The following ANO3 variants were observed in gnomAD, a reference collection of about 807,000 sequenced individuals.
ANO3 encodes the protein anoctamin-3.
A neutral mutation model predicts 144.8 loss-of-function variants in ANO3; 99 were observed. The observed-to-expected ratio is 0.68, with a 90% confidence interval of 0.58 to 0.81. The LOEUF is 0.81. Ranked by LOEUF, ANO3 falls within the 30% of genes least tolerant of loss-of-function variation. The probability of loss-of-function intolerance (pLI) is 0.00; values close to 1 mark genes in which losing one functional copy is unlikely to be tolerated. For synonymous variants in ANO3, 414 were observed against 392.6 expected, an observed-to-expected ratio of 1.05 and a Z score of -0.64; for missense variants, 905 against 1,202.2, an observed-to-expected ratio of 0.75 and a Z score of 3.66.
At chr11:26,518,728 A>T (rs1441075226) in intron 6 of ANO3, among the ~76,000 whole-genome samples, 1 of 151,966 alleles carries the variant, frequency 6.6e-6, no homozygotes, top group East Asian at 1.9e-4. Context: ...GGGTACAAAG[A>T]TTTCTTAGTG....
At chr11:26,382,918 C>T (rs1336092813) in intron 1 of ANO3, among the ~76,000 whole-genome samples, 3 of 152,214 alleles carry the variant, frequency 2.0e-5, no homozygotes, top group African/African-American at 7.2e-5. Context: ...CCTTATAGGG[C>T]AATTACAATT....
chr11:26,479,783 T>C (rs1346884185), intron 4 of ANO3, among the ~76,000 whole-genome samples: 1 of 152,130 alleles, frequency 6.6e-6, no homozygotes, highest in Non-Finnish European at 1.5e-5. Context: ...AAATCTACAT[T>C]TTTGAAAGGG....
At chr11:26,247,925 G>A (rs1235273797) in intron 1 of ANO3, among the ~76,000 whole-genome samples, 2 of 151,416 alleles carry the variant, frequency 1.3e-5, no homozygotes, top group Non-Finnish European at 2.9e-5. Context: ...AGAGACGGGG[G>A]TTTCACCATG....
At chr11:26,280,195 T>A (rs1853647069) in intron 1 of ANO3, among the ~76,000 whole-genome samples, 1 of 152,142 alleles carries the variant, frequency 6.6e-6, no homozygotes. Context: ...ACTACTTAAT[T>A]CAAGATAAAG....
intron 11 of ANO3, among the ~76,000 whole-genome samples, chr11:26,544,048 T>C (rs1452227941): frequency 6.6e-6 from 1 of 151,396 alleles, no homozygotes; most frequent in Non-Finnish European, 1.5e-5. Flanking sequence ...TTAGATATTA[T>C]GAACATAGTG....
chr11:26,190,710 AT>A (rs1160029985), intron 1 of ANO3, among the ~76,000 whole-genome samples: 21 of 152,134 alleles, frequency 1.4e-4, no homozygotes. Flanking sequence ...TAGCACATCC[AT>A]TCCATTAGAT....
intron 11 of ANO3, among the ~76,000 whole-genome samples, chr11:26,543,058 C>T (rs1849686099): frequency 6.6e-6 from 1 of 152,008 alleles, no homozygotes; most frequent in Non-Finnish European, 1.5e-5. Context: ...GATGAGGAAG[C>T]TCCCAGGGAC....
chr11:26,451,599 G>C (rs1858942991), intron 3 of ANO3, among the ~76,000 whole-genome samples: 1 of 152,184 alleles, frequency 6.6e-6, no homozygotes, highest in African/African-American at 2.4e-5. Context: ...CAACTGAGTG[G>C]AACCCACCAC....
At position 26,515,727 on chromosome 11, in the gene ANO3, A is replaced by C. The variant is rs533810710; in HGVS notation, c.592-1100A>C. ...TATGTTTCTTGATAAATTACATCTA[A>C]TGGAAATATAATGAACAGTGTTAAT... is the stretch of plus-strand genomic sequence containing the variant. On this transcript the variant is annotated intron_variant, in intron 5 of 26. Transcript: ENST00000256737. Among the ~76,000 whole-genome samples the C allele has an allele frequency of 3.9e-5, 6 of 152,090 alleles. No homozygotes were observed. The East Asian group carries it at 1.2e-3, about 29-fold the overall frequency.
At chr11:26,211,218 C>T (rs150685229) in intron 1 of ANO3, among the ~76,000 whole-genome samples, 64 of 152,220 alleles carry the variant, frequency 4.2e-4, no homozygotes, top group East Asian at 7.7e-4. Context: ...CAAAACTGCA[C>T]GACTACATGG....
chr11:26,223,608 A>AAAT (rs1475762843), intron 1 of ANO3, among the ~76,000 whole-genome samples: 15 of 145,850 alleles, frequency 1.0e-4, no homozygotes, highest in South Asian at 8.8e-4. Flanking sequence ...TTAATAAAAA[A>AAAT]AAAAAAAAAA....
Position 26,241,726 on chromosome 11 carries a change from A to C in ANO3, c.154+52396A>C, listed in dbSNP as rs1169992905. 3.3e-5 allele frequency among the ~76,000 whole-genome samples: 5 copies of C among 152,162 alleles called. No homozygotes were observed. The East Asian group carries it at 9.6e-4, about 29-fold the overall frequency. Reference sequence around the variant, plus strand: ...AAAGCTTATTTTAGGTAATTCCTGTAATTATATCATGTAGTGCTATAAAAT... The same window carrying C: ...AAAGCTTATTTTAGGTAATTCCTGTCATTATATCATGTAGTGCTATAAAAT... On this transcript the variant is annotated intron_variant, in intron 1 of 27. Transcript: ENST00000672621.
chr11:26,560,948 A>T, intron 14 of ANO3: 1 of 987,346 alleles, frequency 1.0e-6, no homozygotes, highest in South Asian at 1.6e-5. Context: ...TGCTTTTATG[A>T]TTCTCCTTGA....
intron 14 of ANO3, among the ~76,000 whole-genome samples, chr11:26,577,395 A>G (rs1197284690): frequency 2.6e-5 from 4 of 152,178 alleles, no homozygotes; most frequent in Non-Finnish European, 4.4e-5. Flanking sequence ...CGTCTGTACT[A>G]AAAATACAGA....
intron 1 of ANO3, among the ~76,000 whole-genome samples, chr11:26,191,781 T>A (rs191481680): frequency 7.8e-4 from 119 of 152,304 alleles, no homozygotes; most frequent in Admixed American, 1.6e-3. Context: ...GCTCTCTTTT[T>A]CCGAAATGCA....
At chr11:26,389,939 A>C (rs1332106776) in intron 1 of ANO3, among the ~76,000 whole-genome samples, 1 of 152,100 alleles carries the variant, frequency 6.6e-6, no homozygotes, top group Non-Finnish European at 1.5e-5. Context: ...GCATATACTG[A>C]GCTGCCTTAG....
At chr11:26,604,061 A>G (rs1315268261) in intron 17 of ANO3, among the ~76,000 whole-genome samples, 1 of 148,790 alleles carries the variant, frequency 6.7e-6, no homozygotes, top group Non-Finnish European at 1.5e-5. Context: ...ATTCTATCTA[A>G]TTATAATTTT....
chr11:26,352,244 C>A (rs1033068779), intron 1 of ANO3, among the ~76,000 whole-genome samples: 6 of 152,170 alleles, frequency 3.9e-5, no homozygotes, highest in Non-Finnish European at 8.8e-5. Flanking sequence ...TACCTCACGA[C>A]CCTGTCGCTG....
chr11:26,338,077 A>C (rs910886563), intron 1 of ANO3, among the ~76,000 whole-genome samples: 2 of 151,642 alleles, frequency 1.3e-5, no homozygotes, highest in Non-Finnish European at 2.9e-5. Context: ...GTTTCAGGAC[A>C]GTAACATCTA....
Sources: allele counts gnomAD v4.1 joint callset (sites outside exome capture counted in the v4.1 genomes callset), GRCh38; gene constraint gnomAD v4.1.1; transcripts MANE v1.5; gene names NCBI Gene and HGNC (gene_info 2026-07-23, HGNC 2026-07-21).